The following MAGI2 variants were observed in gnomAD, a reference collection of about 807,000 sequenced individuals.
MAGI2 encodes membrane associated guanylate kinase, WW and PDZ domain containing 2, also known as membrane-associated guanylate kinase, WW and PDZ domain-containing protein 2.
A neutral mutation model predicts 133.3 loss-of-function variants in MAGI2; 35 were observed. The ratio of observed to expected loss-of-function variants is 0.26; its 90% CI spans 0.20 to 0.35. The LOEUF is 0.35. MAGI2 is among the 10% of genes least tolerant of loss of function. The pLI is 1.00. For missense variants in MAGI2, 1,636 were observed against 1,863.4 expected (o/e 0.88, Z 2.25); for synonymous variants, 729 against 710.6 (o/e 1.03, Z -0.41).
chr7:79,073,824 G>A (rs763069845), intron 1 of MAGI2, among the ~76,000 whole-genome samples: 19 of 147,098 alleles, frequency 1.3e-4, no homozygotes, highest in South Asian at 4.3e-4. Context: ...ACTAGATTTC[G>A]TAGAGTCCTC....
At chr7:78,030,912 C>A (rs1297899179) in intron 21 of MAGI2, among the ~76,000 whole-genome samples, 1 of 152,192 alleles carries the variant, frequency 6.6e-6, no homozygotes, top group African/African-American at 2.4e-5. Flanking sequence ...CACACAAAAA[C>A]CTGTATGCGG....
intron 1 of MAGI2, among the ~76,000 whole-genome samples, chr7:79,365,571 A>T (rs560424458): frequency 1.3e-5 from 2 of 152,200 alleles, no homozygotes; most frequent in Admixed American, 1.3e-4. Context: ...TAAAGTAACA[A>T]AATAGGCCAG....
chr7:79,390,674 T>C (rs528116815), intron 1 of MAGI2, among the ~76,000 whole-genome samples: 74 of 152,290 alleles, frequency 4.9e-4, no homozygotes, highest in African/African-American at 1.7e-3. Flanking sequence ...TCTGTAAAGA[T>C]TTTGATCCCA....
chr7:79,176,708 T>G (rs1826126453), intron 1 of MAGI2, among the ~76,000 whole-genome samples: 1 of 152,032 alleles, frequency 6.6e-6, no homozygotes, highest in Non-Finnish European at 1.5e-5. Flanking sequence ...CAGTTTATAA[T>G]TTTATAAAAC....
At chr7:79,065,339 G>C (rs1814195562) in intron 1 of MAGI2, among the ~76,000 whole-genome samples, 1 of 152,020 alleles carries the variant, frequency 6.6e-6, no homozygotes, top group African/African-American at 2.4e-5. Context: ...ACTGAAAACT[G>C]CTAGAGGGCA....
At chr7:78,926,335 C>T (rs751443727) in intron 2 of MAGI2, among the ~76,000 whole-genome samples, 13 of 151,994 alleles carry the variant, frequency 8.6e-5, no homozygotes, top group South Asian at 2.1e-4. Flanking sequence ...CAGATAAATA[C>T]GTTCTGGGTA....
chr7:78,281,339 G>A (rs976238980), intron 9 of MAGI2, among the ~76,000 whole-genome samples: 5 of 152,226 alleles, frequency 3.3e-5, no homozygotes, highest in African/African-American at 7.2e-5. Flanking sequence ...GAGATCAGGT[G>A]GATGTAATTA....
intron 1 of MAGI2, among the ~76,000 whole-genome samples, chr7:79,311,011 T>C (rs1457179338): frequency 1.3e-5 from 2 of 152,084 alleles, no homozygotes; most frequent in South Asian, 4.1e-4. Flanking sequence ...TAGTTTTATT[T>C]ATCTCTTTAC....
At position 78,401,067 on chromosome 7, in the gene MAGI2, GA is replaced by G. The variant is rs143961196; in HGVS notation, c.1046-31855del. On this transcript the variant is annotated intron_variant, in intron 6 of 21. Coordinates refer to ENST00000354212, the MANE Select transcript of MAGI2 (RefSeq NM_012301.4). The stretch of plus-strand genomic sequence containing the variant: ...AATGGTTTCTTATTTCCATTCCTTT[GA>G]AAAAAAAAATAAAATTTTCTAACTC... Among the ~76,000 whole-genome samples, 586 of 146,684 alleles carry G rather than the reference GA, an allele frequency of 4.0e-3. 8 individuals carry two copies. Among genetic ancestry groups the G allele is most frequent in the African/African-American group, 0.014 (553 of 39,814 alleles).
At chr7:78,932,736 G>T (rs1800230633) in intron 2 of MAGI2, among the ~76,000 whole-genome samples, 1 of 152,064 alleles carries the variant, frequency 6.6e-6, no homozygotes. Context: ...AAGCTTTATG[G>T]TCATAAAGCA....
intron 1 of MAGI2, among the ~76,000 whole-genome samples, chr7:79,435,095 C>T (rs1848048206): frequency 6.6e-6 from 1 of 152,146 alleles, no homozygotes; most frequent in African/African-American, 2.4e-5. Flanking sequence ...GTTGACTGAT[C>T]CTGCAGATCT....
intron 15 of MAGI2, among the ~76,000 whole-genome samples, chr7:78,161,872 T>C (rs1030781147): frequency 8.5e-5 from 13 of 152,190 alleles, no homozygotes; most frequent in Non-Finnish European, 1.9e-4. Flanking sequence ...AAAAGATGGA[T>C]GCTTTTTGTA....
At chr7:78,493,359 G>A (rs1229283539) in intron 5 of MAGI2, among the ~76,000 whole-genome samples, 1 of 152,168 alleles carries the variant, frequency 6.6e-6, no homozygotes, top group Admixed American at 6.6e-5. Context: ...GCTATTTACA[G>A]TGCAGCACAC....
intron 2 of MAGI2, among the ~76,000 whole-genome samples, chr7:78,761,539 C>T (rs1217874447): frequency 6.7e-6 from 1 of 149,714 alleles, no homozygotes; most frequent in Non-Finnish European, 1.5e-5. Flanking sequence ...GATTTCAGCT[C>T]ACTGCAACCT....
In MAGI2 at chr7:78,996,055, C is replaced by T. The variant is rs192195783; in HGVS notation, c.418+11035G>A. Among the ~76,000 whole-genome samples, 897 of 152,230 alleles carry T rather than the reference C, an allele frequency of 5.9e-3. 8 individuals carry two copies. The highest frequency in any genetic ancestry group is 0.02 in the African/African-American group (846 of 41,542). ...GAAAATGGTGGCTGCTATTTACATA[C>T]TTGTTTTAGTTGATGTTCAGGGAGT... On this transcript the variant is annotated intron_variant, in intron 2 of 21. Transcript: ENST00000354212.
intron 1 of MAGI2, among the ~76,000 whole-genome samples, chr7:79,391,845 G>T (rs1044147283): frequency 6.6e-6 from 1 of 151,654 alleles, no homozygotes; most frequent in African/African-American, 2.4e-5. Flanking sequence ...CACCACACCC[G>T]GCTAATTTTT....
intron 10 of MAGI2, among the ~76,000 whole-genome samples, chr7:78,228,474 T>C (rs1789632991): frequency 6.6e-6 from 1 of 152,094 alleles, no homozygotes; most frequent in Non-Finnish European, 1.5e-5. Context: ...GTAAGCAAGG[T>C]TCTAACAGGA....
intron 6 of MAGI2, among the ~76,000 whole-genome samples, chr7:78,469,777 T>A (rs1791004415): frequency 6.6e-6 from 1 of 152,156 alleles, no homozygotes; most frequent in Non-Finnish European, 1.5e-5. Context: ...CTGAGAATAC[T>A]GGATCTCAGC....
chr7:78,741,428 C>CAA (rs58979364), intron 2 of MAGI2, among the ~76,000 whole-genome samples: 2,714 of 116,060 alleles, frequency 0.023, 58 homozygotes, highest in Non-Finnish European at 0.035. Context: ...CACACACACA[C>CAA]GGGAGGGGGG....
Sources: gnomAD v4.1 joint callset for allele counts (sites outside exome capture counted in the v4.1 genomes callset) on GRCh38, gnomAD v4.1.1 for gene constraint, MANE v1.5 for transcripts, NCBI Gene and HGNC (gene_info 2026-07-23, HGNC 2026-07-21) for gene names.